The following ZNF644 variants were observed in gnomAD, a reference collection of about 807,000 sequenced individuals.
ZNF644 encodes the protein zinc finger protein 644.
ZNF644 carries 20 observed loss-of-function variants against 108.0 expected under a neutral mutation model. That is an observed-to-expected ratio of 0.19 (90% CI 0.13 to 0.27). The LOEUF (loss-of-function observed/expected upper bound fraction) is 0.27. Ranked by LOEUF, ZNF644 falls within the 10% of genes least tolerant of loss-of-function variation. The pLI is 1.00. For synonymous variants in ZNF644, 542 were observed against 539.1 expected (o/e 1.01, Z -0.08); for missense variants, 1,338 against 1,548.9 (o/e 0.86, Z 2.29).
At chr1:90,928,551 G>A (rs1650345765) in intron 4 of ZNF644, among the ~76,000 whole-genome samples, 2 of 151,888 alleles carry the variant, frequency 1.3e-5, no homozygotes, top group Non-Finnish European at 2.9e-5. Context: ...TCACGCTCCT[G>A]ACCTCAGGTG....
chr1:90,958,403 CAA>C (rs1040597087), intron 2 of ZNF644, among the ~76,000 whole-genome samples: 1 of 151,920 alleles, frequency 6.6e-6, no homozygotes, highest in Non-Finnish European at 1.5e-5. Flanking sequence ...AAAATTCCCC[CAA>C]AGTGATCCCA....
chr1:90,969,981 A>G (rs989809749), intron 2 of ZNF644, among the ~76,000 whole-genome samples: 7 of 152,226 alleles, frequency 4.6e-5, no homozygotes, highest in African/African-American at 1.7e-4. Flanking sequence ...ACTGTGATAT[A>G]CATGAATATT....
chr1:90,950,594 TA>T (rs1653048387), intron 2 of ZNF644, among the ~76,000 whole-genome samples: 1 of 151,326 alleles, frequency 6.6e-6, no homozygotes, highest in Admixed American at 6.6e-5. Flanking sequence ...AATATAAAAA[TA>T]AAAAACTTTT....
chr1:90,973,858 T>C (rs1655744629), intron 2 of ZNF644, among the ~76,000 whole-genome samples: 1 of 152,060 alleles, frequency 6.6e-6, no homozygotes, highest in African/African-American at 2.4e-5. Context: ...TTCCTAGTAA[T>C]GAGATGTAGG....
intron 1 of ZNF644, among the ~76,000 whole-genome samples, chr1:90,992,582 G>C (rs1657749979): frequency 6.6e-6 from 1 of 152,122 alleles, no homozygotes. Context: ...ATTTGTACCT[G>C]CCCCAATTTC....
chr1:90,976,160 C>T (rs1031316584), intron 2 of ZNF644, among the ~76,000 whole-genome samples: 1 of 152,156 alleles, frequency 6.6e-6, no homozygotes, highest in African/African-American at 2.4e-5. Context: ...TTCATGCCCC[C>T]TCTGCCCATA....
At chr1:90,966,747 CAAAAA>C (rs67549954) in intron 2 of ZNF644, among the ~76,000 whole-genome samples, 2 of 73,914 alleles carry the variant, frequency 2.7e-5, no homozygotes, top group Non-Finnish European at 2.5e-5. Flanking sequence ...GACTCAGTCT[CAAAAA>C]AAAAAAAAAA....
At chr1:90,931,989 T>C (rs1650782493) in intron 4 of ZNF644, among the ~76,000 whole-genome samples, 1 of 152,144 alleles carries the variant, frequency 6.6e-6, no homozygotes, top group Non-Finnish European at 1.5e-5. Flanking sequence ...AATAAGTGCA[T>C]GTTTCTGGGA....
At chr1:90,980,731 A>G (rs888524701) in intron 2 of ZNF644, among the ~76,000 whole-genome samples, 3 of 152,202 alleles carry the variant, frequency 2.0e-5, no homozygotes, top group African/African-American at 7.2e-5. Context: ...AGTACATACT[A>G]TATATAAAAT....
At chr1:90,941,562 A>G (rs1651997846) in intron 2 of ZNF644, among the ~76,000 whole-genome samples, 1 of 152,174 alleles carries the variant, frequency 6.6e-6, no homozygotes, top group African/African-American at 2.4e-5. Context: ...GTCTAGGGAA[A>G]AGCAACATAC....
At chr1:90,982,133 A>C (rs1158571214) in intron 2 of ZNF644, among the ~76,000 whole-genome samples, 177 bp downstream of exon 2, 1 of 152,112 alleles carries the variant, frequency 6.6e-6, no homozygotes, top group Non-Finnish European at 1.5e-5. Context: ...TGATAGTTAT[A>C]ATTTTACTCC....
At chr1:90,934,955 T>C (rs982005967) in intron 4 of ZNF644, among the ~76,000 whole-genome samples, 6 of 152,120 alleles carry the variant, frequency 3.9e-5, no homozygotes, top group Admixed American at 6.6e-5. Context: ...GCAGTGACTA[T>C]TCACAGGCAC....
chr1:90,992,478 C>G (rs358683), intron 1 of ZNF644, among the ~76,000 whole-genome samples: 109,822 of 151,888 alleles, frequency 0.72, 40,139 homozygotes, highest in Middle Eastern at 0.79. Context: ...GTAATTCAGT[C>G]TATAAACAAT....
chr1:90,991,939 T>G (rs1322308932), intron 1 of ZNF644, among the ~76,000 whole-genome samples: 1 of 152,126 alleles, frequency 6.6e-6, no homozygotes, highest in Non-Finnish European at 1.5e-5. Context: ...AACAGGTGAA[T>G]CCTCACATTA....
intron 4 of ZNF644, among the ~76,000 whole-genome samples, chr1:90,918,756 G>C (rs1649088775): frequency 6.6e-6 from 1 of 151,718 alleles, no homozygotes; most frequent in African/African-American, 2.4e-5. Context: ...ACATTTGAAA[G>C]GACAAAAAAA....
intron 2 of ZNF644, among the ~76,000 whole-genome samples, chr1:90,980,695 T>C (rs1656457263): frequency 6.6e-6 from 1 of 152,194 alleles, no homozygotes; most frequent in South Asian, 2.1e-4. Flanking sequence ...AAGAACATTA[T>C]GTTGAATGAA....
chr1:90,955,284 T>C (rs932980044), intron 2 of ZNF644, among the ~76,000 whole-genome samples: 8 of 152,236 alleles, frequency 5.3e-5, no homozygotes, highest in African/African-American at 1.7e-4. Flanking sequence ...CTAAGATTTA[T>C]GGAATTGTTC....
chr1:90,935,670 G>T, intron 4 of ZNF644: 1 of 479,966 alleles, frequency 2.1e-6, no homozygotes, highest in Non-Finnish European at 2.7e-6. Flanking sequence ...AATAAGGAGG[G>T]GAAATTAAGT....
At chr1:90,999,663 A>G (rs1658551049) in intron 1 of ZNF644, among the ~76,000 whole-genome samples, 1 of 152,214 alleles carries the variant, frequency 6.6e-6, no homozygotes, top group Admixed American at 6.5e-5. Flanking sequence ...CATCATAATG[A>G]CAGGCTCAAA....
Sources: gnomAD v4.1 joint callset for allele counts (sites outside exome capture counted in the v4.1 genomes callset) on GRCh38, gnomAD v4.1.1 for gene constraint, MANE v1.5 for transcripts, NCBI Gene and HGNC (gene_info 2026-07-23, HGNC 2026-07-21) for gene names.